PTBP2: variants seen among roughly 807,000 people sequenced by gnomAD.
PTBP2 encodes the protein polypyrimidine tract binding protein 2.
PTBP2 carries 13 observed loss-of-function variants against 61.4 expected under a neutral mutation model. The ratio of observed to expected loss-of-function variants is 0.21; its 90% CI spans 0.14 to 0.34. The LOEUF is 0.34. PTBP2 is among the 10% of genes least tolerant of loss of function. PTBP2 has a pLI of 1.00. For missense variants in PTBP2, 405 were observed against 642.6 expected (o/e 0.63, Z 4.00); for synonymous variants, 215 against 218.5 (o/e 0.98, Z 0.14).
intron 2 of PTBP2, 118 bp downstream of exon 2, chr1:96,723,712 GTTTCC>G (rs764399090): frequency 7.0e-6 from 6 of 861,308 alleles, no homozygotes; most frequent in Admixed American, 6.8e-5. Flanking sequence ...AGTGTAAAAT[GTTTCC>G]TTTCATTTGT....
intron 2 of PTBP2, among the ~76,000 whole-genome samples, chr1:96,743,859 T>C (rs956489949): frequency 1.3e-5 from 2 of 152,134 alleles, no homozygotes; most frequent in Non-Finnish European, 2.9e-5. Flanking sequence ...GCAGCTTGTA[T>C]GGTGTGTGTG....
At chr1:96,735,567 A>T (rs1367318675) in intron 2 of PTBP2, among the ~76,000 whole-genome samples, 1 of 147,124 alleles carries the variant, frequency 6.8e-6, no homozygotes, top group Non-Finnish European at 1.5e-5. Flanking sequence ...CTGTAAATCT[A>T]CATTTGGAAG....
At position 96,732,397 on chromosome 1, in the gene PTBP2, G is replaced by A. The variant is rs185208619; in HGVS notation, c.39+8803G>A. ...AATTAACAGATATTTTGATGTCTGC[G>A]AAATGACAGTACTATGTTAGAAATT... On this transcript the variant is annotated intron_variant, in intron 2 of 13. Coordinates refer to ENST00000674951, the MANE Select transcript of PTBP2 (RefSeq NM_021190.4). Among the ~76,000 whole-genome samples the A allele has an allele frequency of 2.9e-3, 442 of 152,224 alleles. 2 individuals carry two copies. The highest frequency in any genetic ancestry group is 0.01 in the African/African-American group (432 of 41,544).
At chr1:96,809,443 A>T (rs1048647733) in intron 11 of PTBP2, among the ~76,000 whole-genome samples, 3 of 152,220 alleles carry the variant, frequency 2.0e-5, no homozygotes, top group African/African-American at 7.2e-5. Flanking sequence ...ATTAATAACA[A>T]AAAGATGCAT....
At chr1:96,770,044 G>A (rs1657211213) in intron 4 of PTBP2, among the ~76,000 whole-genome samples, 169 bp downstream of exon 4, 1 of 152,026 alleles carries the variant, frequency 6.6e-6, no homozygotes, top group Admixed American at 6.5e-5. Context: ...TAGCCAAAGT[G>A]AGTGAATCAC....
intron 3 of PTBP2, among the ~76,000 whole-genome samples, chr1:96,763,081 C>T (rs1442222337): frequency 1.3e-5 from 2 of 151,640 alleles, no homozygotes; most frequent in African/African-American, 4.8e-5. Flanking sequence ...CAGAGACCTC[C>T]TTTCTTTCCA....
At chr1:96,747,572 A>G (rs898712565) in intron 2 of PTBP2, among the ~76,000 whole-genome samples, 2 of 152,144 alleles carry the variant, frequency 1.3e-5, no homozygotes, top group East Asian at 3.8e-4. Context: ...AAATCTCTGT[A>G]ATGACTTTTT....
chr1:96,732,469 T>C (rs746792013), intron 2 of PTBP2, among the ~76,000 whole-genome samples: 1 of 152,200 alleles, frequency 6.6e-6, no homozygotes, highest in African/African-American at 2.4e-5. Flanking sequence ...TTATGTTTGT[T>C]CCTCAATCAT....
chr1:96,773,051 G>C (rs905637870), intron 5 of PTBP2, among the ~76,000 whole-genome samples: 15 of 151,318 alleles, frequency 9.9e-5, no homozygotes, highest in South Asian at 8.4e-4. Context: ...TTGAACCCGG[G>C]GGGGTGGAGC....
At chr1:96,781,825 T>C (rs1658705682) in intron 7 of PTBP2, among the ~76,000 whole-genome samples, 1 of 152,030 alleles carries the variant, frequency 6.6e-6, no homozygotes. Context: ...CAATCTTAAT[T>C]ATCAATAAAA....
rs184579584 is a variant in PTBP2 at position 96,748,111 on chromosome 1, A to G, written c.40-3314A>G. Reference sequence around the variant, plus strand: ...CCTCTCTGATAATCTATTTTTCCTCAGGAACTTAATATTTGTGTCCTTGCC... The same window carrying G: ...CCTCTCTGATAATCTATTTTTCCTCGGGAACTTAATATTTGTGTCCTTGCC... On this transcript the variant is annotated intron_variant, in intron 2 of 13. Coordinates refer to ENST00000674951, the MANE Select transcript of PTBP2 (RefSeq NM_021190.4). 2.8e-3 allele frequency among the ~76,000 whole-genome samples: 422 copies of G among 152,106 alleles called. 1 individual carries two copies. The highest frequency in any genetic ancestry group is 9.1e-3 in the African/African-American group (379 of 41,504).
intron 8 of PTBP2, among the ~76,000 whole-genome samples, chr1:96,800,716 A>G (rs1446129800): frequency 6.6e-6 from 1 of 152,208 alleles, no homozygotes; most frequent in Admixed American, 6.5e-5. Context: ...CCTGGGTGAC[A>G]GAGCAAACCT....
chr1:96,725,769 T>A (rs1650355115), intron 2 of PTBP2, among the ~76,000 whole-genome samples: 1 of 152,068 alleles, frequency 6.6e-6, no homozygotes, highest in African/African-American at 2.4e-5. Flanking sequence ...TTAAAGACAC[T>A]GATGCATGTG....
chr1:96,771,579 A>G (rs1657385407), intron 5 of PTBP2: 2 of 152,056 alleles, frequency 1.3e-5, no homozygotes. Flanking sequence ...TTTACCTAAA[A>G]GATAGGACTG....
chr1:96,780,150 T>A (rs1208492057), intron 7 of PTBP2, among the ~76,000 whole-genome samples: 2 of 152,070 alleles, frequency 1.3e-5, no homozygotes, highest in African/African-American at 2.4e-5. Flanking sequence ...AGATGTTTAG[T>A]TATCTAAGAC....
At chr1:96,802,979 T>C (rs1350565958) in intron 8 of PTBP2, among the ~76,000 whole-genome samples, 1 of 151,240 alleles carries the variant, frequency 6.6e-6, no homozygotes, top group Non-Finnish European at 1.5e-5. Context: ...AGAAAAAAAA[T>C]TGTTGTGTGT....
intron 3 of PTBP2, among the ~76,000 whole-genome samples, chr1:96,757,053 C>G (rs1223185940): frequency 1.3e-5 from 2 of 152,088 alleles, no homozygotes; most frequent in Non-Finnish European, 1.5e-5. Context: ...GCTTTCCTCT[C>G]CATTTTGCTG....
Position 96,777,613 on chromosome 1 carries a change from C to T in PTBP2, c.461C>T (p.Thr154Ile). 1 of 1,611,570 alleles carries T rather than the reference C, an allele frequency of 6.2e-7. No homozygotes were observed. The highest frequency in any genetic ancestry group is 8.5e-7 in the Non-Finnish European group (1 of 1,178,988). ...GCTCAGGCAGTTCTTCAAGCTGTGACAGCTGTCCAGACAGCAAATACTCCT... is the reference window on the plus strand; with the variant it reads ...GCTCAGGCAGTTCTTCAAGCTGTGATAGCTGTCCAGACAGCAAATACTCCT... Reference protein sequence around the residue: ...QRAQAVLQAVTAVQTANTPLS... With the variant: ...QRAQAVLQAVIAVQTANTPLS... Residue 154 changes from threonine (T) to isoleucine (I), a missense_variant, in exon 6 of 14, where the codon ACA becomes ATA. By Grantham distance (89) the Thr-to-Ile change is moderately conservative. This residue lies in a region of PTBP2 where 342 missense variants were observed against 491.2 expected (regional missense o/e 0.70). Coordinates refer to ENST00000674951, the MANE Select transcript of PTBP2 (RefSeq NM_021190.4).
chr1:96,794,862 A>T (rs994536937), intron 8 of PTBP2, among the ~76,000 whole-genome samples: 1 of 152,224 alleles, frequency 6.6e-6, no homozygotes, highest in Non-Finnish European at 1.5e-5. Context: ...TGTGATGAAC[A>T]TTCAGTTATG....
Sources: gnomAD v4.1 joint callset for allele counts (sites outside exome capture counted in the v4.1 genomes callset) on GRCh38, gnomAD v4.1.1 for gene constraint, gnomAD v4.1.1 regional missense constraint, MANE v1.5 for transcripts, NCBI Gene and HGNC (gene_info 2026-07-23, HGNC 2026-07-21) for gene names.